SAMMSON: variants seen among roughly 807,000 people sequenced by gnomAD.
SAMMSON encodes the protein survival associated mitochondrial melanoma specific oncogenic non-coding RNA.
intron 4 of SAMMSON, among the ~76,000 whole-genome samples, chr3:70,081,023 T>C (rs9843425): frequency 0.022 from 3,317 of 152,308 alleles, 119 homozygotes; most frequent in African/African-American, 0.074. Context: ...TGATAGGTAT[T>C]CCCAGATATC....
chr3:70,044,194 G>A (rs2067115552), intron 3 of SAMMSON, among the ~76,000 whole-genome samples: 1 of 152,032 alleles, frequency 6.6e-6, no homozygotes. Flanking sequence ...AATGCCAAGT[G>A]TATTAAGTTT....
chr3:70,090,262 A>G (rs577059403), intron 4 of SAMMSON, among the ~76,000 whole-genome samples: 6 of 152,340 alleles, frequency 3.9e-5, no homozygotes, highest in South Asian at 2.1e-4. Flanking sequence ...TCTCTGGGAC[A>G]TATGAAATCT....
intron 7 of SAMMSON, among the ~76,000 whole-genome samples, chr3:70,293,199 T>C (rs115338684): frequency 7.2e-4 from 109 of 152,198 alleles, no homozygotes; most frequent in Non-Finnish European, 1.3e-3. Context: ...TTCTGTCATG[T>C]AAGTCTGGTG....
intron 6 of SAMMSON, among the ~76,000 whole-genome samples, chr3:70,254,066 G>A (rs549442678): frequency 1.3e-5 from 2 of 152,046 alleles, no homozygotes; most frequent in Non-Finnish European, 2.9e-5. Flanking sequence ...CAGTTATTTA[G>A]TAGGCATATT....
chr3:70,208,386 C>T (rs974620364), intron 4 of SAMMSON, among the ~76,000 whole-genome samples: 4 of 152,082 alleles, frequency 2.6e-5, no homozygotes, highest in Non-Finnish European at 1.5e-5. Context: ...ATTTCCCTTT[C>T]CAAGGTTGTT....
chr3:70,099,187 T>C (rs920591645), intron 4 of SAMMSON, among the ~76,000 whole-genome samples: 1 of 152,232 alleles, frequency 6.6e-6, no homozygotes, highest in Non-Finnish European at 1.5e-5. Flanking sequence ...CTTGCACATG[T>C]ATATTTACAC....
At chr3:70,251,606 A>G (rs1373501010) in intron 6 of SAMMSON, among the ~76,000 whole-genome samples, 7 of 152,192 alleles carry the variant, frequency 4.6e-5, no homozygotes, top group African/African-American at 1.7e-4. Context: ...AACATAAACA[A>G]TATGATGACA....
At chr3:70,006,269 G>GCT (rs759138033) in intron 1 of SAMMSON, among the ~76,000 whole-genome samples, 1 of 152,162 alleles carries the variant, frequency 6.6e-6, no homozygotes, top group Non-Finnish European at 1.5e-5. Flanking sequence ...GAGCAGCTGT[G>GCT]CTCTCACACA....
intron 4 of SAMMSON, among the ~76,000 whole-genome samples, chr3:70,181,128 T>C (rs1248569459): frequency 1.3e-5 from 2 of 152,152 alleles, no homozygotes; most frequent in Non-Finnish European, 2.9e-5. Context: ...GTTTGCATTC[T>C]AAAGAGACTT....
intron 4 of SAMMSON, among the ~76,000 whole-genome samples, chr3:70,095,621 C>T (rs2067320473): frequency 6.6e-6 from 1 of 152,100 alleles, no homozygotes; most frequent in African/African-American, 2.4e-5. Context: ...GGAAGGGGAA[C>T]CTGAGCACTC....
chr3:70,226,866 A>G (rs532543361), intron 4 of SAMMSON, among the ~76,000 whole-genome samples: 1 of 152,236 alleles, frequency 6.6e-6, no homozygotes, highest in Non-Finnish European at 1.5e-5. Context: ...GCATGGTAAG[A>G]AGTGGGATGG....
intron 2 of SAMMSON, among the ~76,000 whole-genome samples, chr3:70,396,666 G>A (rs767168615): frequency 6.6e-6 from 1 of 152,168 alleles, no homozygotes; most frequent in African/African-American, 2.4e-5. Context: ...AGGGAAATCT[G>A]TCTTGGAAAT....
intron 6 of SAMMSON, among the ~76,000 whole-genome samples, chr3:70,281,576 C>T (rs887931794): frequency 1.3e-5 from 2 of 151,992 alleles, no homozygotes; most frequent in Non-Finnish European, 2.9e-5. Flanking sequence ...TCAAAACAAA[C>T]AAACAAATTG....
intron 9 of SAMMSON, among the ~76,000 whole-genome samples, chr3:70,383,349 A>AC (rs1227522017): frequency 1.3e-5 from 2 of 148,978 alleles, no homozygotes; most frequent in Non-Finnish European, 3.0e-5. Context: ...AATAAAAATA[A>AC]AAAAAAAAAA....
At chr3:70,012,886 G>A (rs1364165007) in intron 2 of SAMMSON, among the ~76,000 whole-genome samples, 1 of 151,994 alleles carries the variant, frequency 6.6e-6, no homozygotes, top group Non-Finnish European at 1.5e-5. Flanking sequence ...GGGTCTTGGG[G>A]CCTCTTCTAC....
At chr3:70,415,563 C>T (rs995662763) in intron 2 of SAMMSON, among the ~76,000 whole-genome samples, 2 of 152,068 alleles carry the variant, frequency 1.3e-5, no homozygotes, top group Non-Finnish European at 2.9e-5. Flanking sequence ...AGGGAAAAAG[C>T]AGTAGTTATT....
chr3:70,430,686 T>C (rs1277447974), intron 2 of SAMMSON, among the ~76,000 whole-genome samples: 1 of 152,176 alleles, frequency 6.6e-6, no homozygotes, highest in Non-Finnish European at 1.5e-5. Flanking sequence ...TTACTATTGT[T>C]ATCAGCACCA....
intron 3 of SAMMSON, among the ~76,000 whole-genome samples, chr3:70,050,832 T>C (rs1454660982): frequency 2.6e-5 from 4 of 151,742 alleles, no homozygotes; most frequent in Non-Finnish European, 4.4e-5. Context: ...GTGGGTGCTG[T>C]TTTCAAGAAT....
At chr3:70,016,127 A>T (rs570572986) in intron 3 of SAMMSON, among the ~76,000 whole-genome samples, 1 of 152,278 alleles carries the variant, frequency 6.6e-6, no homozygotes, top group Admixed American at 6.5e-5. Flanking sequence ...TAGATCCCTG[A>T]GGAATTGCCA....
Sources: allele counts gnomAD v4.1 joint callset (sites outside exome capture counted in the v4.1 genomes callset), GRCh38; gene constraint gnomAD v4.1.1; transcripts MANE v1.5; gene names NCBI Gene and HGNC (gene_info 2026-07-23, HGNC 2026-07-21).